Variants in ARHGAP24 observed in about 807,000 individuals in gnomAD.
ARHGAP24 encodes the protein Rho GTPase activating protein 24, also known as rho GTPase-activating protein 24.
ARHGAP24 carries 50 observed loss-of-function variants against 76.4 expected under a neutral mutation model. The ratio of observed to expected loss-of-function variants is 0.65; its 90% CI spans 0.52 to 0.83. The LOEUF (loss-of-function observed/expected upper bound fraction) is 0.83, where lower values mean the gene tolerates loss of function less well. Ranked by LOEUF, ARHGAP24 falls within the 40% of genes least tolerant of loss-of-function variation. The probability of loss-of-function intolerance (pLI) is 0.00; values close to 1 mark genes in which losing one functional copy is unlikely to be tolerated. For synonymous variants in ARHGAP24, 345 were observed against 323.3 expected, an observed-to-expected ratio of 1.07 and a Z score of -0.72; for missense variants, 930 against 914.2, an observed-to-expected ratio of 1.02 and a Z score of -0.22.
At chr4:85,934,822 C>T (rs1161730681) in intron 4 of ARHGAP24, among the ~76,000 whole-genome samples, 1 of 152,228 alleles carries the variant, frequency 6.6e-6, no homozygotes, top group Non-Finnish European at 1.5e-5. Flanking sequence ...GCCGACAGCT[C>T]TTACATTTTA....
intron 3 of ARHGAP24, among the ~76,000 whole-genome samples, chr4:85,920,219 TACA>T (rs996499401): frequency 6.6e-6 from 1 of 152,218 alleles, no homozygotes; most frequent in Admixed American, 6.5e-5. Context: ...ATTTAATATT[TACA>T]ACATTTCTAC....
At chr4:85,566,757 A>C (rs1281264978) in intron 1 of ARHGAP24, among the ~76,000 whole-genome samples, 1 of 152,198 alleles carries the variant, frequency 6.6e-6, no homozygotes, top group East Asian at 1.9e-4. Flanking sequence ...AAACAACTAA[A>C]GACATAGCAA....
chr4:85,583,365 A>C (rs970426447), intron 2 of ARHGAP24, among the ~76,000 whole-genome samples: 6 of 152,144 alleles, frequency 3.9e-5, no homozygotes, highest in Admixed American at 2.6e-4. Context: ...TTATTATTCT[A>C]TTAATTCTCA....
chr4:85,817,979 T>G (rs544292398), intron 3 of ARHGAP24, among the ~76,000 whole-genome samples: 48 of 152,344 alleles, frequency 3.2e-4, no homozygotes, highest in Middle Eastern at 3.4e-3. Context: ...AAGTCTTATT[T>G]CATAAGCCAA....
At chr4:85,968,929 A>G (rs1175052687) in intron 5 of ARHGAP24, among the ~76,000 whole-genome samples, 1 of 152,202 alleles carries the variant, frequency 6.6e-6, no homozygotes, top group African/African-American at 2.4e-5. Flanking sequence ...TCATTTCTAT[A>G]TAATTAGCTG....
chr4:85,955,641 A>G (rs1047655082), intron 5 of ARHGAP24, among the ~76,000 whole-genome samples: 1 of 152,194 alleles, frequency 6.6e-6, no homozygotes, highest in Non-Finnish European at 1.5e-5. Flanking sequence ...TCCTAAAACC[A>G]TAACTTGGGA....
At position 85,721,945 on chromosome 4, in the gene ARHGAP24, G is replaced by A; in HGVS notation, c.241G>A (p.Gly81Arg). The A allele has an allele frequency of 6.2e-7, 1 of 1,613,428 alleles. No individual in the cohort carries two copies. Among genetic ancestry groups the A allele is most frequent in the Non-Finnish European group, 8.5e-7 (1 of 1,179,602 alleles). The change falls in exon 3 of 10, where the codon GGG (glycine) becomes AGG (arginine). Residue 81 changes from glycine (G) to arginine (R), a missense_variant. Transcript: ENST00000395184. ...SEHPCNEENP[G>R]KFLFEVVPGG... ...GCATCCCTGCAATGAAGAGAACCCAGGGAAGTTCCTTTTTGAAGTAGTTCC... is the reference window on the plus strand; with the variant it reads ...GCATCCCTGCAATGAAGAGAACCCAAGGAAGTTCCTTTTTGAAGTAGTTCC...
rs369889430 is a variant in ARHGAP24 at position 85,722,218 on chromosome 4, C to G, written c.268+246C>G. 4.2e-5 allele frequency: 19 copies of G among 450,724 alleles called. No homozygotes were observed. The East Asian group carries it at 6.8e-4, about 16-fold the overall frequency. 27.9% of individuals were successfully genotyped at this position (450,724 alleles called of 1,614,324 possible). A position where few individuals can be genotyped will look rare whatever the true frequency, so the allele number is the denominator to read the frequency against. On this transcript the variant is annotated intron_variant, in intron 3 of 9. Transcript: ENST00000395184. The stretch of plus-strand genomic sequence containing the variant: ...GTCCATGAGACTCCATAGTTGACCA[C>G]AAGTCATGATACAGTATTTGTTCAG...
intron 2 of ARHGAP24, among the ~76,000 whole-genome samples, chr4:85,599,816 T>G (rs1719974964): frequency 1.3e-5 from 2 of 152,130 alleles, no homozygotes; most frequent in Admixed American, 1.3e-4. Context: ...TTTTGCATAT[T>G]GTGGCCTGCA....
chr4:85,499,774 T>G, intron 1 of ARHGAP24, among the ~76,000 whole-genome samples: 1 of 152,222 alleles, frequency 6.6e-6, no homozygotes, highest in East Asian at 1.9e-4. Context: ...TGCTGTTCCG[T>G]GTGGTAGGCA....
chr4:85,673,961 C>A (rs919979845), intron 2 of ARHGAP24, among the ~76,000 whole-genome samples: 2 of 151,806 alleles, frequency 1.3e-5, no homozygotes, highest in African/African-American at 2.4e-5. Flanking sequence ...TACAAGAAAT[C>A]TGCACTGGTA....
intron 1 of ARHGAP24, among the ~76,000 whole-genome samples, chr4:85,504,697 T>C (rs530105991): frequency 1.5e-3 from 226 of 152,328 alleles, no homozygotes; most frequent in African/African-American, 5.2e-3. Context: ...TGTCTTTTAA[T>C]TGGAACATTC....
chr4:85,860,936 T>A (rs1471406554), intron 3 of ARHGAP24, among the ~76,000 whole-genome samples: 1 of 151,986 alleles, frequency 6.6e-6, no homozygotes, highest in Non-Finnish European at 1.5e-5. Flanking sequence ...GTATTTAATA[T>A]CTATCTTCTC....
intron 5 of ARHGAP24, among the ~76,000 whole-genome samples, chr4:85,957,519 T>A (rs879132281): frequency 6.6e-6 from 1 of 152,228 alleles, no homozygotes; most frequent in African/African-American, 2.4e-5. Flanking sequence ...TCCTCTTTGA[T>A]GTAATCAGGA....
At chr4:85,477,626 G>A (rs1560501832) in intron 1 of ARHGAP24, among the ~76,000 whole-genome samples, 2 of 152,164 alleles carry the variant, frequency 1.3e-5, no homozygotes, top group Admixed American at 6.5e-5. Context: ...GAGTGGGCAG[G>A]AAGGGTGAGG....
intron 1 of ARHGAP24, among the ~76,000 whole-genome samples, chr4:85,550,452 G>T (rs1726087267): frequency 6.6e-6 from 1 of 152,136 alleles, no homozygotes; most frequent in African/African-American, 2.4e-5. Flanking sequence ...CTGTAGGCTT[G>T]TAGTATAATG....
intron 2 of ARHGAP24, among the ~76,000 whole-genome samples, chr4:85,704,489 G>A (rs1230792113): frequency 1.3e-5 from 2 of 152,126 alleles, no homozygotes; most frequent in Non-Finnish European, 1.5e-5. Flanking sequence ...ATATGGTAGT[G>A]ATAGGAGAAG....
chr4:85,948,412 T>C (rs1159703350), intron 5 of ARHGAP24, among the ~76,000 whole-genome samples: 2 of 152,188 alleles, frequency 1.3e-5, no homozygotes, highest in African/African-American at 4.8e-5. Context: ...ACTGACATTA[T>C]TGCAAAACAT....
intron 3 of ARHGAP24, chr4:85,778,592 T>A: frequency 1.2e-6 from 1 of 849,376 alleles, no homozygotes; most frequent in South Asian, 5.4e-5. Flanking sequence ...CTTTCTATGA[T>A]TCCTATTTCT....
Sources: allele counts gnomAD v4.1 joint callset (sites outside exome capture counted in the v4.1 genomes callset), GRCh38; gene constraint gnomAD v4.1.1; transcripts MANE v1.5; gene names NCBI Gene and HGNC (gene_info 2026-07-23, HGNC 2026-07-21).